NRXN1: variants seen among roughly 807,000 people sequenced by gnomAD.
The protein encoded by NRXN1 is neurexin-1.
In NRXN1, 39 loss-of-function variants were observed where a neutral mutation model predicts 150.9. The ratio of observed to expected loss-of-function variants is 0.26; its 90% CI spans 0.20 to 0.34. The LOEUF (loss-of-function observed/expected upper bound fraction) is 0.34, where lower values mean the gene tolerates loss of function less well. Ranked by LOEUF, NRXN1 falls within the 10% of genes least tolerant of loss-of-function variation. NRXN1 has a pLI of 1.00. For missense variants in NRXN1, 1,815 were observed against 1,949.9 expected (o/e 0.93, Z 1.30); for synonymous variants, 924 against 757.0 (o/e 1.22, Z -3.62).
chr2:50,046,373 A>G (rs558498645), intron 21 of NRXN1, among the ~76,000 whole-genome samples: 51 of 152,286 alleles, frequency 3.3e-4, no homozygotes, highest in African/African-American at 1.2e-3. Flanking sequence ...ATGCCACACA[A>G]TTGATGTGCT....
chr2:50,603,965 G>T (rs1392784282), intron 8 of NRXN1, among the ~76,000 whole-genome samples: 1 of 152,092 alleles, frequency 6.6e-6, no homozygotes, highest in Admixed American at 6.6e-5. Context: ...AAGCATATCT[G>T]GTTTGATTGC....
At chr2:50,872,854 G>A (rs1009593922) in intron 5 of NRXN1, among the ~76,000 whole-genome samples, 2 of 151,718 alleles carry the variant, frequency 1.3e-5, no homozygotes, top group African/African-American at 4.8e-5. Context: ...TGTAGTCCTA[G>A]CTACATGTAG....
chr2:50,236,157 T>C (rs924148706), intron 18 of NRXN1, among the ~76,000 whole-genome samples: 8 of 152,062 alleles, frequency 5.3e-5, no homozygotes, highest in Non-Finnish European at 2.9e-5. Context: ...ATATGCTGAG[T>C]AAATTACTGT....
At chr2:50,009,369 T>C (rs1313874752) in intron 21 of NRXN1, among the ~76,000 whole-genome samples, 1 of 152,082 alleles carries the variant, frequency 6.6e-6, no homozygotes, top group Non-Finnish European at 1.5e-5. Context: ...ACTCAGTCAC[T>C]TATATGAGGG....
intron 5 of NRXN1, chr2:50,912,319 G>T (rs1351821053): frequency 1.3e-5 from 2 of 151,436 alleles, no homozygotes; most frequent in East Asian, 2.0e-4. Context: ...CATCCCAGGT[G>T]ATTGTGGGAG....
intron 18 of NRXN1, among the ~76,000 whole-genome samples, chr2:50,221,199 T>A (rs1574572739): frequency 6.6e-6 from 1 of 151,990 alleles, no homozygotes; most frequent in Admixed American, 6.6e-5. Context: ...AACAAAGAAC[T>A]GAATCCCTCT....
chr2:50,453,821 A>G (rs1182005939), intron 17 of NRXN1, among the ~76,000 whole-genome samples: 1 of 152,192 alleles, frequency 6.6e-6, no homozygotes, highest in Non-Finnish European at 1.5e-5. Flanking sequence ...AAATGGGATT[A>G]TTATCTCCAG....
intron 5 of NRXN1, among the ~76,000 whole-genome samples, chr2:50,915,763 C>T (rs1289931987): frequency 6.6e-6 from 1 of 151,134 alleles, no homozygotes; most frequent in Non-Finnish European, 1.5e-5. Context: ...AATCCAAATG[C>T]ACACGGTATC....
At chr2:49,996,548 G>C (rs1424221057) in intron 21 of NRXN1, among the ~76,000 whole-genome samples, 1 of 152,170 alleles carries the variant, frequency 6.6e-6, no homozygotes, top group Non-Finnish European at 1.5e-5. Context: ...TATTATCCTG[G>C]ATTGTCTGGT....
chr2:50,907,287 G>A (rs560916631), intron 5 of NRXN1, among the ~76,000 whole-genome samples: 5 of 151,684 alleles, frequency 3.3e-5, no homozygotes, highest in Non-Finnish European at 5.9e-5. Context: ...TCTACATGGC[G>A]GTTCATTCTT....
chr2:50,463,083 G>A (rs2088415791), intron 17 of NRXN1, among the ~76,000 whole-genome samples: 1 of 151,662 alleles, frequency 6.6e-6, no homozygotes, highest in Admixed American at 6.6e-5. Flanking sequence ...GCCTTAAATG[G>A]CTTTATTTTA....
intron 17 of NRXN1, among the ~76,000 whole-genome samples, chr2:50,249,570 T>C (rs911366105): frequency 6.6e-6 from 1 of 152,008 alleles, no homozygotes; most frequent in African/African-American, 2.4e-5. Context: ...TAAAAAGGTG[T>C]GACATAGCTC....
At chr2:50,942,251 T>C (rs192491294) in intron 2 of NRXN1, among the ~76,000 whole-genome samples, 2 of 152,102 alleles carry the variant, frequency 1.3e-5, no homozygotes, top group Non-Finnish European at 2.9e-5. Context: ...CAGGCAGAAA[T>C]CTACTGTGGG....
At chr2:50,631,899 C>T (rs1682388301) in intron 5 of NRXN1, among the ~76,000 whole-genome samples, 2 of 151,914 alleles carry the variant, frequency 1.3e-5, no homozygotes, top group Non-Finnish European at 2.9e-5. Context: ...GATGCTGTAT[C>T]TTTTAACCTG....
chr2:51,020,277 T>A (rs1218574589), intron 2 of NRXN1, among the ~76,000 whole-genome samples: 1 of 151,770 alleles, frequency 6.6e-6, no homozygotes, highest in Non-Finnish European at 1.5e-5. Context: ...ATAAACAGAA[T>A]TATATCGTAT....
intron 19 of NRXN1, among the ~76,000 whole-genome samples, chr2:50,083,657 C>A (rs918622267): frequency 6.6e-6 from 1 of 152,186 alleles, no homozygotes; most frequent in Non-Finnish European, 1.5e-5. Context: ...TGGCCCCACC[C>A]ACATCCTGCT....
intron 17 of NRXN1, among the ~76,000 whole-genome samples, chr2:50,379,976 T>C (rs2080832561): frequency 6.6e-6 from 1 of 152,066 alleles, no homozygotes. Context: ...CACAGATTTA[T>C]AAAAACCTTA....
intron 21 of NRXN1, among the ~76,000 whole-genome samples, chr2:50,037,894 G>T (rs990957001): frequency 5.3e-5 from 8 of 152,180 alleles, no homozygotes; most frequent in East Asian, 3.9e-4. Context: ...CCAATGCATT[G>T]TTTTTTTCAT....
intron 8 of NRXN1, among the ~76,000 whole-genome samples, chr2:50,579,588 A>G (rs1373661557): frequency 6.6e-6 from 1 of 152,194 alleles, no homozygotes; most frequent in Non-Finnish European, 1.5e-5. Context: ...GATTGAGGCT[A>G]TAGTGAGCCA....
Sources: gnomAD v4.1 joint callset for allele counts (sites outside exome capture counted in the v4.1 genomes callset) on GRCh38, gnomAD v4.1.1 for gene constraint, MANE v1.5 for transcripts, NCBI Gene and HGNC (gene_info 2026-07-23, HGNC 2026-07-21) for gene names.